ZNG1C: variants seen among roughly 807,000 people sequenced by gnomAD.
The protein encoded by ZNG1C is Zn regulated GTPase metalloprotein activator 1C.
the ZNG1C span, among the ~76,000 whole-genome samples, chr9:68,288,644 T>C: frequency 2.0e-5 from 1 of 50,754 alleles, no homozygotes; most frequent in African/African-American, 5.6e-5. Context: ...AGCTAATTTT[T>C]GTATTTTTTT....
chr9:68,281,656 C>T, the ZNG1C span, among the ~76,000 whole-genome samples: 2 of 111,022 alleles, frequency 1.8e-5, no homozygotes, highest in African/African-American at 3.4e-5. Context: ...GTCTTCATAG[C>T]CCCTGGCATC....
chr9:68,268,662 C>A, the ZNG1C span, among the ~76,000 whole-genome samples: 1 of 152,264 alleles, frequency 6.6e-6, no homozygotes, highest in Non-Finnish European at 1.5e-5. Flanking sequence ...TTTTTATTAA[C>A]CACAAAGTAG....
chr9:68,299,047 G>A, the ZNG1C span: 1,431 of 1,610,554 alleles, frequency 8.9e-4, 10 homozygotes, highest in African/African-American at 0.016. Context: ...AGACTCCAGT[G>A]AGCTGGAAGG....
At chr9:68,270,918 A>G in the ZNG1C span, 1 of 149,344 alleles carries the variant, frequency 6.7e-6, no homozygotes, top group African/African-American at 2.5e-5. Context: ...AAACCCGGAG[A>G]TATGGTTAAC....
the ZNG1C span, among the ~76,000 whole-genome samples, chr9:68,281,209 C>A: frequency 6.6e-6 from 1 of 152,220 alleles, no homozygotes; most frequent in Non-Finnish European, 1.5e-5. Flanking sequence ...GGATGGAGCA[C>A]GCACCCACTG....
At chr9:68,245,733 G>A in the ZNG1C span, among the ~76,000 whole-genome samples, 9 of 145,876 alleles carry the variant, frequency 6.2e-5, no homozygotes, top group East Asian at 1.8e-3. Context: ...CCGAGTAGCT[G>A]GGACTACAGG....
chr9:68,285,830 T>A, the ZNG1C span: 1 of 607,490 alleles, frequency 1.6e-6, no homozygotes, highest in South Asian at 2.0e-5. Flanking sequence ...TGCCAGCTTT[T>A]CTCTATTGGA....
At chr9:68,277,020 C>T in the ZNG1C span, among the ~76,000 whole-genome samples, 1 of 4,972 alleles carries the variant, frequency 2.0e-4, no homozygotes, top group African/African-American at 9.2e-4. Context: ...AGGTCCTTCA[C>T]ATCCCTTGTA....
the ZNG1C span, among the ~76,000 whole-genome samples, chr9:68,246,982 G>C: frequency 1.4e-5 from 2 of 147,058 alleles, no homozygotes; most frequent in Admixed American, 1.4e-4. Context: ...ACAGGCGCCC[G>C]CTACCACACC....
chr9:68,251,290 AG>A, the ZNG1C span: 3 of 335,516 alleles, frequency 8.9e-6, no homozygotes, highest in African/African-American at 7.5e-5. Flanking sequence ...CAATCAGGGT[AG>A]TAGTTACTGA....
chr9:68,256,691 T>C, the ZNG1C span, among the ~76,000 whole-genome samples: 5 of 134,542 alleles, frequency 3.7e-5, no homozygotes, highest in Non-Finnish European at 7.9e-5. Context: ...AATTGGTCTT[T>C]TTTAAAGGAA....
At chr9:68,264,851 A>ATG in the ZNG1C span, among the ~76,000 whole-genome samples, 11 of 84,426 alleles carry the variant, frequency 1.3e-4, 1 homozygote, top group Admixed American at 2.8e-4. Flanking sequence ...ATATATATAT[A>ATG]TATATGTATA....
At chr9:68,296,627 A>C in the ZNG1C span, among the ~76,000 whole-genome samples, 1 of 152,240 alleles carries the variant, frequency 6.6e-6, no homozygotes, top group Non-Finnish European at 1.5e-5. Flanking sequence ...AGTTCTAGGA[A>C]GTTATGCAAA....
At chr9:68,262,120 A>G in the ZNG1C span, among the ~76,000 whole-genome samples, 1 of 63,102 alleles carries the variant, frequency 1.6e-5, no homozygotes, top group East Asian at 2.5e-4. Flanking sequence ...GCTGATATCT[A>G]AAGAAAATAA....
chr9:68,281,079 G>A, the ZNG1C span, among the ~76,000 whole-genome samples: 1 of 136,628 alleles, frequency 7.3e-6, no homozygotes, highest in Admixed American at 7.5e-5. Flanking sequence ...GCAGTATTCG[G>A]GTGGGAGTGA....
chr9:68,257,911 A>G, the ZNG1C span, among the ~76,000 whole-genome samples: 2 of 145,724 alleles, frequency 1.4e-5, no homozygotes, highest in African/African-American at 5.2e-5. Flanking sequence ...GCTCTAATAT[A>G]TGTGGCGGGT....
At chr9:68,297,109 AT>A in the ZNG1C span, among the ~76,000 whole-genome samples, 1 of 148,846 alleles carries the variant, frequency 6.7e-6, no homozygotes, top group East Asian at 1.9e-4. Context: ...TGGGTAGCTT[AT>A]TTTTTTGACC....
chr9:68,257,165 G>A, the ZNG1C span, among the ~76,000 whole-genome samples: 1 of 143,150 alleles, frequency 7.0e-6, no homozygotes, highest in African/African-American at 2.6e-5. Context: ...AGCCTCCCGA[G>A]TAGCTGGGAC....
At chr9:68,289,012 A>AT in the ZNG1C span, among the ~76,000 whole-genome samples, 12 of 92,794 alleles carry the variant, frequency 1.3e-4, no homozygotes, top group Middle Eastern at 4.2e-3. Context: ...TGACGGTAGG[A>AT]TTTTTTTTGA....
Sources: allele counts gnomAD v4.1 joint callset (sites outside exome capture counted in the v4.1 genomes callset), GRCh38; gene constraint gnomAD v4.1.1; transcripts MANE v1.5; gene names NCBI Gene and HGNC (gene_info 2026-07-23, HGNC 2026-07-21).